PFKFB3: variants seen among roughly 807,000 people sequenced by gnomAD.
The protein encoded by PFKFB3 is 6-phosphofructo-2-kinase/fructose-2,6-biphosphatase 3, also known as 6-phosphofructo-2-kinase/fructose-2,6-bisphosphatase 3.
Under a neutral mutation model 68.0 loss-of-function variants are expected in PFKFB3, and 33 were observed. The ratio of observed to expected loss-of-function variants is 0.49; its 90% CI spans 0.37 to 0.65. The LOEUF is 0.65. Ranked by LOEUF, PFKFB3 falls within the 30% of genes least tolerant of loss-of-function variation. The probability of loss-of-function intolerance (pLI) is 0.00; values close to 1 mark genes in which losing one functional copy is unlikely to be tolerated. For missense variants in PFKFB3, 586 were observed against 712.2 expected, an observed-to-expected ratio of 0.82 and a Z score of 2.02; for synonymous variants, 315 against 288.2, an observed-to-expected ratio of 1.09 and a Z score of -0.94.
the PFKFB3 span, among the ~76,000 whole-genome samples, chr10:6,268,547 C>T: frequency 2.6e-5 from 4 of 152,136 alleles, no homozygotes; most frequent in South Asian, 2.1e-4. Flanking sequence ...ATCACTCGAA[C>T]GCAGGAGGTG....
rs115501263 is a variant in PFKFB3 at position 6,173,780 on chromosome 10, C to T, written c.16+28767C>T. ...TGAGGCCTCATTGTAGAGGACCTTC[C>T]GTGAAGCCTAAGGAGGTTGAACTTG... On this transcript the variant is annotated intron_variant, in intron 1 of 14. Transcript: ENST00000379789. 7.8e-3 allele frequency among the ~76,000 whole-genome samples: 1,192 copies of T among 152,050 alleles called. 25 individuals are homozygous for T. Among genetic ancestry groups the T allele is most frequent in the African/African-American group, 0.027 (1,133 of 41,464 alleles).
the PFKFB3 span, among the ~76,000 whole-genome samples, chr10:6,263,694 C>A: frequency 3.9e-4 from 59 of 149,600 alleles, no homozygotes; most frequent in East Asian, 2.0e-4. Context: ...TGGTTATTTT[C>A]TTCTGTTTTT....
chr10:6,191,674 G>T (rs780667421), intron 1 of PFKFB3, among the ~76,000 whole-genome samples: 1 of 152,190 alleles, frequency 6.6e-6, no homozygotes, highest in Non-Finnish European at 1.5e-5. Flanking sequence ...GAATGGTTTC[G>T]ACAGGTAGGA....
At chr10:6,173,420 C>T (rs759421441) in intron 1 of PFKFB3, among the ~76,000 whole-genome samples, 4 of 152,154 alleles carry the variant, frequency 2.6e-5, no homozygotes, top group South Asian at 2.1e-4. Flanking sequence ...GTTACAGCAC[C>T]GCTTCCTGTG....
At chr10:6,164,530 T>G (rs1588404599) in intron 1 of PFKFB3, among the ~76,000 whole-genome samples, 1 of 151,874 alleles carries the variant, frequency 6.6e-6, no homozygotes, top group Non-Finnish European at 1.5e-5. Flanking sequence ...TCTCGTCAGG[T>G]GGGAGGAGAT....
At chr10:6,247,072 T>C (rs554295272) in intron 14 of PFKFB3, among the ~76,000 whole-genome samples, 26 of 152,286 alleles carry the variant, frequency 1.7e-4, no homozygotes, top group Admixed American at 3.3e-4. Flanking sequence ...AAGGGCAACA[T>C]TGGCTTCATT....
chr10:6,313,951 T>G, the PFKFB3 span, among the ~76,000 whole-genome samples: 1 of 152,006 alleles, frequency 6.6e-6, no homozygotes, highest in Non-Finnish European at 1.5e-5. The surrounding 1 kb of genome is among the most constrained non-coding windows in gnomAD (Gnocchi z 4.2). Context: ...AGCGCCAAGG[T>G]GGTGGGCAGA....
At chr10:6,318,378 T>C in the PFKFB3 span, among the ~76,000 whole-genome samples, 2 of 152,186 alleles carry the variant, frequency 1.3e-5, no homozygotes, top group African/African-American at 2.4e-5. Flanking sequence ...ATGACGGCCT[T>C]GCATTCTAAG....
chr10:6,194,401 T>TCC (rs1843114699), intron 1 of PFKFB3, among the ~76,000 whole-genome samples: 1 of 152,234 alleles, frequency 6.6e-6, no homozygotes, highest in African/African-American at 2.4e-5. Flanking sequence ...AAACTATGTT[T>TCC]CCGCTGCGCT....
chr10:6,317,755 T>C, the PFKFB3 span, among the ~76,000 whole-genome samples: 3 of 152,188 alleles, frequency 2.0e-5, no homozygotes, highest in East Asian at 5.8e-4. Context: ...TGTGTGGTCA[T>C]GTAAAATGGG....
chr10:6,232,038 G>A (rs1187175105), intron 14 of PFKFB3, among the ~76,000 whole-genome samples: 1 of 152,254 alleles, frequency 6.6e-6, no homozygotes, highest in Non-Finnish European at 1.5e-5. Context: ...GGGTGGGCAT[G>A]GGCCACGGTG....
chr10:6,209,044 T>A (rs114856072), intron 1 of PFKFB3, among the ~76,000 whole-genome samples: 3,062 of 152,290 alleles, frequency 0.02, 118 homozygotes, highest in African/African-American at 0.07. Flanking sequence ...CCAAGTAGCC[T>A]CTGTCTCACG....
At chr10:6,269,834 T>G in the PFKFB3 span, among the ~76,000 whole-genome samples, 4 of 152,110 alleles carry the variant, frequency 2.6e-5, no homozygotes, top group Non-Finnish European at 4.4e-5. Context: ...TTTTATCTAT[T>G]TATTTTGAAA....
the PFKFB3 span, among the ~76,000 whole-genome samples, chr10:6,267,885 G>T: frequency 2.0e-5 from 3 of 148,208 alleles, no homozygotes; most frequent in Non-Finnish European, 4.4e-5. Flanking sequence ...AACCCGGGAG[G>T]CAGAGGTTGC....
At chr10:6,201,198 T>G (rs1018282796), upstream of PFKFB3, among the ~76,000 whole-genome samples, 18 of 146,484 alleles carry the variant, frequency 1.2e-4, no homozygotes, top group African/African-American at 4.3e-4. The surrounding 1 kb of genome is among the most constrained non-coding windows in gnomAD (Gnocchi z 4.1). Context: ...GCGCGGGCGC[T>G]CGCTGCCTGC....
At chr10:6,198,010 A>C (rs1442285995), upstream of PFKFB3, among the ~76,000 whole-genome samples, 3 of 152,120 alleles carry the variant, frequency 2.0e-5, no homozygotes, top group African/African-American at 7.2e-5. Flanking sequence ...GGAACAATTT[A>C]CTTAGATAAA....
chr10:6,274,200 T>TAA, the PFKFB3 span, among the ~76,000 whole-genome samples: 3 of 141,674 alleles, frequency 2.1e-5, no homozygotes, highest in Non-Finnish European at 3.1e-5. Context: ...ATCCTATCTC[T>TAA]AAAAAAAAAA....
intron 1 of PFKFB3, among the ~76,000 whole-genome samples, chr10:6,160,813 A>T (rs1048772763): frequency 6.6e-6 from 1 of 152,026 alleles, no homozygotes; most frequent in Admixed American, 6.6e-5. Context: ...TCTTTGTACT[A>T]CTTAAAAATT....
At chr10:6,170,365 CT>C (rs1445397133) in intron 1 of PFKFB3, among the ~76,000 whole-genome samples, 1 of 152,176 alleles carries the variant, frequency 6.6e-6, no homozygotes, top group East Asian at 1.9e-4. Context: ...TCCCCCACCC[CT>C]CCTTTATGTT....
Sources: allele counts gnomAD v4.1 joint callset (sites outside exome capture counted in the v4.1 genomes callset), GRCh38; gene constraint gnomAD v4.1.1; non-coding constraint Gnocchi (gnomAD v3.1); transcripts MANE v1.5; gene names NCBI Gene and HGNC (gene_info 2026-07-23, HGNC 2026-07-21).